RALGPS2: variants seen among roughly 807,000 people sequenced by gnomAD.
RALGPS2 encodes the protein ras-specific guanine nucleotide-releasing factor RalGPS2.
Under a neutral mutation model 86.8 loss-of-function variants are expected in RALGPS2, and 43 were observed. The ratio of observed to expected loss-of-function variants is 0.50; its 90% CI spans 0.39 to 0.64. The LOEUF is 0.64. RALGPS2 is among the 30% of genes least tolerant of loss of function. The pLI is 0.00. For missense variants in RALGPS2, 536 were observed against 694.6 expected, an observed-to-expected ratio of 0.77 and a Z score of 2.57; for synonymous variants, 243 against 231.3, an observed-to-expected ratio of 1.05 and a Z score of -0.46.
chr1:178,848,976 A>G (rs1255426567), intron 8 of RALGPS2, among the ~76,000 whole-genome samples: 1 of 152,158 alleles, frequency 6.6e-6, no homozygotes, highest in Non-Finnish European at 1.5e-5. Context: ...ACTCTATGCA[A>G]GGTGCTATGA....
At chr1:178,861,659 CTCA>C (rs1658020627) in intron 8 of RALGPS2, among the ~76,000 whole-genome samples, 2 of 152,036 alleles carry the variant, frequency 1.3e-5, no homozygotes, top group African/African-American at 4.8e-5. Flanking sequence ...AATTGTATAC[CTCA>C]TCAGTTAAAA....
rs1291532343 is a variant in RALGPS2, at chr1:178,811,958, G to A, written c.387+554G>A. The stretch of plus-strand genomic sequence containing the variant: ...CAGGATGTTCTACAAAGGATACCAA[G>A]ATTTTATTAAAACTTGTAACAACTC... On this transcript the variant is annotated intron_variant, in intron 6 of 19. Coordinates refer to ENST00000367635, the MANE Select transcript of RALGPS2 (RefSeq NM_152663.5). 2.0e-5 allele frequency among the ~76,000 whole-genome samples: 3 copies of A among 152,168 alleles called. No individual in the cohort carries two copies. The East Asian group carries it at 5.8e-4, about 29-fold the overall frequency.
rs1651100082 is a variant in RALGPS2 at position 178,742,645 on chromosome 1, ATAT to A, written c.-84+17231_-84+17233del. ...TACAGAATCTCCACCCAACAATAAC[ATAT>A]TATTCTCAGTTTACTCAAATGTCTA... is the stretch of plus-strand genomic sequence containing the variant. On this transcript the variant is annotated intron_variant, in intron 1 of 19. Coordinates refer to ENST00000367635, the MANE Select transcript of RALGPS2 (RefSeq NM_152663.5). Among the ~76,000 whole-genome samples, 3 of 152,188 alleles carry A rather than the reference ATAT, an allele frequency of 2.0e-5. No homozygotes were observed. In the South Asian group the frequency reaches 6.2e-4, roughly 31 times the overall value.
At chr1:178,771,237 C>G (rs1652797955) in intron 1 of RALGPS2, among the ~76,000 whole-genome samples, 1 of 152,210 alleles carries the variant, frequency 6.6e-6, no homozygotes, top group Non-Finnish European at 1.5e-5. Flanking sequence ...CCATTAATAT[C>G]TCTTAAAGCA....
intron 8 of RALGPS2, among the ~76,000 whole-genome samples, chr1:178,845,470 C>A (rs912302074): frequency 3.3e-5 from 5 of 152,282 alleles, no homozygotes; most frequent in Admixed American, 1.3e-4. Flanking sequence ...TCCTCCTCAA[C>A]AGAATGTAAG....
intron 18 of RALGPS2, among the ~76,000 whole-genome samples, chr1:178,905,553 T>C (rs562490714): frequency 6.6e-6 from 1 of 152,346 alleles, no homozygotes; most frequent in African/African-American, 2.4e-5. Context: ...AAAAGTTATT[T>C]TGAGTGTTAG....
At chr1:178,799,545 G>A (rs1409044212) in intron 4 of RALGPS2, among the ~76,000 whole-genome samples, 1 of 152,114 alleles carries the variant, frequency 6.6e-6, no homozygotes, top group Non-Finnish European at 1.5e-5. Context: ...AAGGGAAAAG[G>A]TAAACACCAG....
intron 4 of RALGPS2, among the ~76,000 whole-genome samples, chr1:178,792,691 G>T (rs10913627): frequency 0.08 from 12,230 of 152,126 alleles, 520 homozygotes; most frequent in African/African-American, 0.1. Context: ...CCCAAGCTGC[G>T]TGACCAAATT....
chr1:178,916,430 G>T lies in RALGPS2; in HGVS notation c.*71G>T. The T allele has an allele frequency of 6.3e-6, 9 of 1,425,882 alleles. No homozygotes were observed. The highest frequency in any genetic ancestry group is 7.8e-6 in the Non-Finnish European group (8 of 1,031,038). 88.3% of individuals were successfully genotyped at this position (1,425,882 alleles called of 1,614,324 possible). ...ATGAGGACCTGATAAAAGAGCGCCA[G>T]CTATAAACCATCCTGTGCCAGGAAG... On this transcript the variant is annotated 3_prime_UTR_variant, in exon 20 of 20. Transcript: ENST00000367635.
intron 1 of RALGPS2, chr1:178,746,968 G>A: frequency 1.0e-6 from 1 of 991,222 alleles, no homozygotes; most frequent in Non-Finnish European, 1.6e-6. Flanking sequence ...GTCTTCCTTA[G>A]AAAGTTCTTT....
intron 8 of RALGPS2, chr1:178,850,545 T>G (rs1271056023): frequency 6.6e-6 from 1 of 152,126 alleles, no homozygotes; most frequent in Non-Finnish European, 1.5e-5. Context: ...TTTAATACTA[T>G]GGGTCATGTT....
chr1:178,782,883 C>A (rs1291786010), intron 2 of RALGPS2, among the ~76,000 whole-genome samples: 1 of 152,060 alleles, frequency 6.6e-6, no homozygotes, highest in Non-Finnish European at 1.5e-5. Flanking sequence ...TAAAAATAAA[C>A]CCTTACAGTA....
intron 4 of RALGPS2, among the ~76,000 whole-genome samples, chr1:178,787,057 C>A (rs552460977): frequency 4.0e-5 from 6 of 151,264 alleles, no homozygotes; most frequent in African/African-American, 1.5e-4. Context: ...AGAAGAAGAA[C>A]AATGTATTCT....
chr1:178,805,872 A>G (rs1306943222), intron 4 of RALGPS2, among the ~76,000 whole-genome samples: 1 of 152,100 alleles, frequency 6.6e-6, no homozygotes, highest in Non-Finnish European at 1.5e-5. Context: ...TTTTCTTTGT[A>G]TCCATCACTA....
chr1:178,731,587 T>G (rs1191568344), intron 1 of RALGPS2, among the ~76,000 whole-genome samples: 1 of 152,086 alleles, frequency 6.6e-6, no homozygotes, highest in East Asian at 1.9e-4. Context: ...CTGGCCTGAT[T>G]TTCTAGTTTG....
intron 19 of RALGPS2, among the ~76,000 whole-genome samples, chr1:178,911,336 C>T (rs1447233174): frequency 6.6e-6 from 1 of 151,944 alleles, no homozygotes. Context: ...TCTAGTTCCT[C>T]AAGGTATGAT....
chr1:178,725,293 G>T lies in RALGPS2; in HGVS notation c.-210G>T, dbSNP rs540858165. ...GCGGCGGCGGCGGCGGCTGCTGCGG[G>T]CGCTGAATGAGAGACGGTGACTGTT... On this transcript the variant is annotated 5_prime_UTR_variant, in exon 1 of 20. Coordinates refer to ENST00000367635, the MANE Select transcript of RALGPS2 (RefSeq NM_152663.5). 2,847 of 171,020 alleles carry T rather than the reference G, an allele frequency of 0.017. 106 individuals are homozygous for T. Among genetic ancestry groups the T allele is most frequent in the African/African-American group, 0.065 (2,668 of 40,952 alleles). 10.6% of individuals were successfully genotyped at this position (171,020 alleles called of 1,614,324 possible).
chr1:178,747,089 T>C, intron 1 of RALGPS2: 1 of 882,688 alleles, frequency 1.1e-6, no homozygotes, highest in South Asian at 1.4e-5. Context: ...CATTTGGAAT[T>C]TTCTTATGTT....
chr1:178,821,348 C>T (rs1036749715), intron 6 of RALGPS2, among the ~76,000 whole-genome samples: 2 of 152,070 alleles, frequency 1.3e-5, no homozygotes, highest in African/African-American at 4.8e-5. Context: ...GAGACATAAC[C>T]TTGGTTTTCT....
Sources: allele counts gnomAD v4.1 joint callset (sites outside exome capture counted in the v4.1 genomes callset), GRCh38; gene constraint gnomAD v4.1.1; transcripts MANE v1.5; gene names NCBI Gene and HGNC (gene_info 2026-07-23, HGNC 2026-07-21).